Variants in PLGRKT observed in about 807,000 individuals in gnomAD.
The protein encoded by PLGRKT is plasminogen receptor (KT).
PLGRKT carries 22 observed loss-of-function variants against 18.5 expected under a neutral mutation model. The observed-to-expected ratio is 1.19, with a 90% CI of 0.85 to 1.70. The LOEUF (loss-of-function observed/expected upper bound fraction) is 1.70. Ranked by LOEUF, PLGRKT falls within the 40% of genes most tolerant of loss-of-function variation. The pLI is 0.00. For missense variants in PLGRKT, 235 were observed against 174.4 expected, an observed-to-expected ratio of 1.35 and a Z score of -1.96; for synonymous variants, 72 against 52.8, an observed-to-expected ratio of 1.36 and a Z score of -1.58.
At chr9:5,431,275 T>A (rs1234166547) in intron 3 of PLGRKT, among the ~76,000 whole-genome samples, 2 of 152,188 alleles carry the variant, frequency 1.3e-5, no homozygotes, top group East Asian at 3.8e-4. Flanking sequence ...CACACATACC[T>A]GTAATTCCAG....
At chr9:5,367,808 A>T (rs1817427790) in intron 3 of PLGRKT, among the ~76,000 whole-genome samples, 2 of 152,204 alleles carry the variant, frequency 1.3e-5, no homozygotes, top group Admixed American at 1.3e-4. Flanking sequence ...AACAATTTAC[A>T]GAATGGGAGA....
Position 5,433,387 on chromosome 9 carries a change from G to A in PLGRKT, c.-6-1404C>T, listed in dbSNP as rs879028512. 5.0e-4 allele frequency among the ~76,000 whole-genome samples: 71 copies of A among 143,226 alleles called. 1 individual carries two copies. The highest frequency in any genetic ancestry group is 4.2e-3 in the Admixed American group (59 of 14,174). The allele number at this position is 143,226 out of a possible 152,430, so 94.0% of individuals were successfully genotyped here. On this transcript the variant is annotated intron_variant, in intron 2 of 5. Coordinates refer to ENST00000223864, the MANE Select transcript of PLGRKT (RefSeq NM_018465.4). ...GAGCATCTCTGCCTGACCGTCCACC[G>A]TCTGGGATGTGAGGAGCGCCTCTGC... is the stretch of plus-strand genomic sequence containing the variant.
chr9:5,367,233 G>GA (rs201238607), intron 3 of PLGRKT, among the ~76,000 whole-genome samples: 1 of 151,388 alleles, frequency 6.6e-6, no homozygotes, highest in African/African-American at 2.4e-5. Context: ...CACAGAACTA[G>GA]AAAAAAAACT....
At chr9:5,430,008 G>A (rs968137233) in intron 3 of PLGRKT, among the ~76,000 whole-genome samples, 1 of 152,174 alleles carries the variant, frequency 6.6e-6, no homozygotes, top group African/African-American at 2.4e-5. Context: ...AAAAGCAGTA[G>A]GCTCCCTAAG....
intron 3 of PLGRKT, among the ~76,000 whole-genome samples, chr9:5,369,797 A>G (rs1341604712): frequency 1.3e-5 from 2 of 152,216 alleles, no homozygotes; most frequent in African/African-American, 4.8e-5. Context: ...AGGGACATGG[A>G]TGAAGCTGGA....
chr9:5,391,438 T>C (rs1252983936), intron 3 of PLGRKT, among the ~76,000 whole-genome samples: 1 of 151,998 alleles, frequency 6.6e-6, no homozygotes, highest in Non-Finnish European at 1.5e-5. Flanking sequence ...TTTGATTTCA[T>C]ATCAGAAAAT....
At chr9:5,427,483 T>C (rs969955446) in intron 3 of PLGRKT, among the ~76,000 whole-genome samples, 2 of 152,216 alleles carry the variant, frequency 1.3e-5, no homozygotes, top group Non-Finnish European at 2.9e-5. Context: ...GGAGAGAACA[T>C]ACACAAAACT....
chr9:5,371,339 A>G (rs1328597431), intron 3 of PLGRKT, among the ~76,000 whole-genome samples: 1 of 152,180 alleles, frequency 6.6e-6, no homozygotes, highest in Non-Finnish European at 1.5e-5. Flanking sequence ...CCCAAACCTC[A>G]ACTTGAATTG....
chr9:5,385,848 C>A (rs186483149), intron 3 of PLGRKT, among the ~76,000 whole-genome samples: 1 of 151,866 alleles, frequency 6.6e-6, no homozygotes, highest in Non-Finnish European at 1.5e-5. Flanking sequence ...TACAGCAAAA[C>A]CCTTGGAAGA....
chr9:5,394,163 C>G (rs1352293706), intron 3 of PLGRKT, among the ~76,000 whole-genome samples: 1 of 151,804 alleles, frequency 6.6e-6, no homozygotes, highest in Non-Finnish European at 1.5e-5. Context: ...GCAAAATGAT[C>G]TAGACTTTTT....
intron 3 of PLGRKT, among the ~76,000 whole-genome samples, chr9:5,403,745 A>C (rs186650843): frequency 5.0e-4 from 76 of 152,340 alleles, no homozygotes; most frequent in Admixed American, 1.3e-3. Context: ...CTACAAAACA[A>C]AATGGTGTGC....
At chr9:5,362,882 T>A (rs1017484645) in intron 3 of PLGRKT, among the ~76,000 whole-genome samples, 2 of 152,040 alleles carry the variant, frequency 1.3e-5, no homozygotes, top group Non-Finnish European at 2.9e-5. Flanking sequence ...CAGAGAAGAC[T>A]TGTGGCCTTG....
chr9:5,421,312 C>T (rs1818571655), intron 3 of PLGRKT, among the ~76,000 whole-genome samples: 1 of 152,228 alleles, frequency 6.6e-6, no homozygotes, highest in African/African-American at 2.4e-5. Flanking sequence ...CAAGGCTCTG[C>T]TCAAAGGTCA....
chr9:5,393,570 G>C (rs1470371825), intron 3 of PLGRKT, among the ~76,000 whole-genome samples: 1 of 151,730 alleles, frequency 6.6e-6, no homozygotes, highest in Admixed American at 6.6e-5. Flanking sequence ...CCTTCTCAAA[G>C]AGAATCACAG....
intron 3 of PLGRKT, among the ~76,000 whole-genome samples, chr9:5,369,473 C>T (rs11788389): frequency 0.27 from 41,771 of 152,006 alleles, 5,933 homozygotes; most frequent in Non-Finnish European, 0.31. Context: ...GAAATAGGAA[C>T]GCGTTTACAC....
At chr9:5,399,550 T>C (rs544785380) in intron 3 of PLGRKT, among the ~76,000 whole-genome samples, 22 of 152,016 alleles carry the variant, frequency 1.4e-4, no homozygotes, top group Non-Finnish European at 3.1e-4. Context: ...TAAAGGTACA[T>C]AGCACCAAAC....
intron 3 of PLGRKT, among the ~76,000 whole-genome samples, chr9:5,424,239 G>T: frequency 7.4e-6 from 1 of 135,104 alleles, no homozygotes; most frequent in Middle Eastern, 3.6e-3. Flanking sequence ...ATTTATATGT[G>T]TCATATAGTA....
At chr9:5,361,952 A>C (rs1047031949) in intron 3 of PLGRKT, 64 bp from the exon 4 acceptor site, 5 of 1,474,164 alleles carry the variant, frequency 3.4e-6, no homozygotes, top group African/African-American at 2.8e-5. Flanking sequence ...AATAGTTAAT[A>C]ATCTGTTTTT....
chr9:5,404,106 T>C (rs1818208929), intron 3 of PLGRKT, among the ~76,000 whole-genome samples: 1 of 151,834 alleles, frequency 6.6e-6, no homozygotes, highest in African/African-American at 2.4e-5. Context: ...GAATAGACAA[T>C]GAGTTCTGAA....
Sources: gnomAD v4.1 joint callset for allele counts (sites outside exome capture counted in the v4.1 genomes callset) on GRCh38, gnomAD v4.1.1 for gene constraint, MANE v1.5 for transcripts, NCBI Gene and HGNC (gene_info 2026-07-23, HGNC 2026-07-21) for gene names.